The following FANCC variants were observed in gnomAD, a reference collection of about 807,000 sequenced individuals.
FANCC encodes the protein Fanconi anemia group C protein.
In FANCC, 55 loss-of-function variants were observed where a neutral mutation model predicts 71.3. That is an observed-to-expected ratio of 0.77 (90% CI 0.62 to 0.97). The LOEUF (loss-of-function observed/expected upper bound fraction) is 0.97, where lower values mean the gene tolerates loss of function less well. Among genes scored for constraint, FANCC ranks in the 50% least tolerant of loss-of-function variants. The probability of loss-of-function intolerance (pLI) is 0.00; values close to 1 mark genes in which losing one functional copy is unlikely to be tolerated. For synonymous variants in FANCC, 275 were observed against 244.9 expected, an observed-to-expected ratio of 1.12 and a Z score of -1.15; for missense variants, 678 against 670.9, an observed-to-expected ratio of 1.01 and a Z score of -0.12.
Position 95,294,367 on chromosome 9 carries a change from T to A in FANCC, c.-79+23159A>T, listed in dbSNP as rs542866452. The A allele has an allele frequency of 1.9e-5, 30 of 1,592,654 alleles. 1 individual carries two copies. In the East Asian group the frequency reaches 5.6e-4, roughly 30 times the overall value. ...GGACACAGAGACTCAAACGGACTTC[T>A]TACTCGCAGATACCTCTGCTCAGTC... On this transcript the variant is annotated intron_variant, in intron 1 of 14. Coordinates refer to ENST00000289081, the MANE Select transcript of FANCC (RefSeq NM_000136.3).
At position 95,303,035 on chromosome 9, in the gene FANCC, AAG is replaced by A. The variant is rs548900155; in HGVS notation, c.-79+14489_-79+14490del. Among the ~76,000 whole-genome samples the A allele has an allele frequency of 3.6e-3, 545 of 152,280 alleles. 5 individuals carry two copies. The highest frequency in any genetic ancestry group is 0.013 in the African/African-American group (529 of 41,556). ...TTCAGACCCACTGGACAAGAAAAAA[AAG>A]AGAGAGGGAGAGGTGTAAGGCAAGT... On this transcript the variant is annotated intron_variant, in intron 1 of 14. Transcript: ENST00000289081.
In FANCC at chr9:95,111,192, C is replaced by T. The variant is rs542341714; in HGVS notation, c.1329+271G>A. ...GGCAGATATGGCAGCTGAGCAATAA[C>T]AGATCAAATGACCTTGGGGAAGAAG... On this transcript the variant is annotated intron_variant, in intron 13 of 14. Coordinates refer to ENST00000289081, the MANE Select transcript of FANCC (RefSeq NM_000136.3). The T allele has an allele frequency of 1.5e-5, 23 of 1,536,128 alleles. No homozygotes were observed. The East Asian group carries it at 4.6e-4, about 31-fold the overall frequency.
chr9:95,238,205 C>A (rs554161451), intron 4 of FANCC, among the ~76,000 whole-genome samples: 3 of 152,120 alleles, frequency 2.0e-5, no homozygotes, highest in Non-Finnish European at 4.4e-5. Context: ...TCTCTGGGAG[C>A]GGACCTTACC....
At chr9:95,185,444 T>C (rs1487040711) in intron 4 of FANCC, among the ~76,000 whole-genome samples, 1 of 152,218 alleles carries the variant, frequency 6.6e-6, no homozygotes, top group African/African-American at 2.4e-5. Context: ...TGGACTTCTT[T>C]AGGCATGAAG....
chr9:95,192,423 A>T (rs1304005797), intron 4 of FANCC, among the ~76,000 whole-genome samples: 1 of 152,286 alleles, frequency 6.6e-6, no homozygotes, highest in East Asian at 1.9e-4. Flanking sequence ...ACATTCAAAG[A>T]CCTCAGTCCC....
At chr9:95,213,895 A>T (rs1214725694) in intron 4 of FANCC, among the ~76,000 whole-genome samples, 1 of 152,234 alleles carries the variant, frequency 6.6e-6, no homozygotes, top group African/African-American at 2.4e-5. Flanking sequence ...TTTGCAAATC[A>T]TATACCAGGA....
At chr9:95,103,695 AG>A (rs2071227591) in intron 14 of FANCC, among the ~76,000 whole-genome samples, 1 of 152,140 alleles carries the variant, frequency 6.6e-6, no homozygotes, top group Non-Finnish European at 1.5e-5. Flanking sequence ...GGAAAATCGG[AG>A]GGCCGAGGTC....
rs1055364938 is a variant in FANCC, at chr9:95,279,976, C to T, written c.-78-30607G>A. 2.0e-5 allele frequency among the ~76,000 whole-genome samples: 3 copies of T among 148,648 alleles called. No homozygotes were observed. The South Asian group carries it at 6.5e-4, about 32-fold the overall frequency. On this transcript the variant is annotated intron_variant, in intron 1 of 14. Coordinates refer to ENST00000289081, the MANE Select transcript of FANCC (RefSeq NM_000136.3). ...AAAAAAAAAAAAAAAAAAAAAATTC[C>T]CATCAAAAGACAAAGATTGTCAGAC... is the stretch of plus-strand genomic sequence containing the variant.
chr9:95,229,814 C>G (rs1829882160), intron 4 of FANCC, among the ~76,000 whole-genome samples: 1 of 151,778 alleles, frequency 6.6e-6, no homozygotes, highest in African/African-American at 2.4e-5. Context: ...CATTGTAATT[C>G]TTTCATGGCT....
At chr9:95,207,066 G>GC (rs1362913722) in intron 4 of FANCC, among the ~76,000 whole-genome samples, 2 of 151,772 alleles carry the variant, frequency 1.3e-5, no homozygotes, top group Non-Finnish European at 2.9e-5. Context: ...TATCAAGTTT[G>GC]TTTTTTTTAA....
At chr9:95,161,024 G>A (rs1207994812) in intron 6 of FANCC, among the ~76,000 whole-genome samples, 1 of 152,106 alleles carries the variant, frequency 6.6e-6, no homozygotes, top group Admixed American at 6.6e-5. Flanking sequence ...GGCTTTTGGT[G>A]ACCCATGAAT....
intron 1 of FANCC, 51 bp downstream of exon 1, chr9:95,317,475 A>G (rs1835838600): frequency 6.6e-6 from 1 of 152,006 alleles, no homozygotes; most frequent in Non-Finnish European, 1.5e-5. Flanking sequence ...TGTCGGCCAG[A>G]CCCCCGAGGG....
chr9:95,270,030 TG>T (rs1278198210), intron 1 of FANCC, among the ~76,000 whole-genome samples: 2 of 152,076 alleles, frequency 1.3e-5, no homozygotes, highest in African/African-American at 4.8e-5. Flanking sequence ...ACACAGCACA[TG>T]TTTCAGAGAG....
chr9:95,103,701 G>A (rs192893095), intron 14 of FANCC, among the ~76,000 whole-genome samples: 132 of 152,350 alleles, frequency 8.7e-4, no homozygotes, highest in Admixed American at 2.7e-3. Flanking sequence ...TCGGAGGGCC[G>A]AGGTCAGAGA....
At position 95,135,513 on chromosome 9, in the gene FANCC, G is replaced by A. The variant is rs752869004; in HGVS notation, c.687-11C>T. ...AGAGAAATCTTCTTCCTTTCAGAAA[G>A]AAATAAACAAAATTTTAAACAGAAA... On this transcript the variant is annotated splice_polypyrimidine_tract_variant and intron_variant, in intron 7 of 14. Coordinates refer to ENST00000289081, the MANE Select transcript of FANCC (RefSeq NM_000136.3). 1 of 1,613,018 alleles carries A rather than the reference G, an allele frequency of 6.2e-7. No homozygotes were observed. The highest frequency in any genetic ancestry group is 8.5e-7 in the Non-Finnish European group (1 of 1,179,452).
At position 95,117,319 on chromosome 9, in the gene FANCC, A is replaced by T. The variant is rs1414649531; in HGVS notation, c.1068T>A (p.Pro356=). The T allele has an allele frequency of 1.2e-6, 2 of 1,614,028 alleles. No homozygotes were observed. The highest frequency in any genetic ancestry group is 4.5e-5 in the East Asian group (2 of 44,878). ...GCAAAGTCAACCCTAACTCACCTTG[A>T]GGGTCTTGCAGCAGCACCATGGCAA... ...PSLAMVLLQD[P]QDIPRGHWLQ... The change falls in exon 11 of 15, where the codon CCT becomes CCA. Residue 356 remains proline (P), a synonymous_variant. Transcript: ENST00000289081.
intron 4 of FANCC, among the ~76,000 whole-genome samples, chr9:95,218,372 G>A (rs1829010574): frequency 6.6e-6 from 1 of 152,162 alleles, no homozygotes; most frequent in African/African-American, 2.4e-5. Flanking sequence ...GGCTGAGGTG[G>A]GAGGACTGCT....
rs1825312262 is a variant in FANCC, at chr9:95,123,060, G to A, written c.996+2026C>T. Among the ~76,000 whole-genome samples, 3 of 152,186 alleles carry A rather than the reference G, an allele frequency of 2.0e-5. No individual in the cohort carries two copies. The South Asian group carries it at 6.2e-4, about 32-fold the overall frequency. On this transcript the variant is annotated intron_variant, in intron 10 of 14. Transcript: ENST00000289081. Reference sequence around the variant, plus strand: ...CTCAAGCCTGGAATCCAAGCACCTTGGGAGGGCAAGGTGGGAGGATCCCTT... The same window carrying A: ...CTCAAGCCTGGAATCCAAGCACCTTAGGAGGGCAAGGTGGGAGGATCCCTT...
intron 4 of FANCC, among the ~76,000 whole-genome samples, chr9:95,185,865 CA>C (rs1375086959): frequency 6.6e-6 from 1 of 152,144 alleles, no homozygotes; most frequent in Non-Finnish European, 1.5e-5. Flanking sequence ...TAGTCATTGA[CA>C]ATTTTGCCTC....
Sources: allele counts gnomAD v4.1 joint callset (sites outside exome capture counted in the v4.1 genomes callset), GRCh38; gene constraint gnomAD v4.1.1; transcripts MANE v1.5; gene names NCBI Gene and HGNC (gene_info 2026-07-23, HGNC 2026-07-21).